The following MKX variants were observed in gnomAD, a reference collection of about 807,000 sequenced individuals.
The protein encoded by MKX is homeobox protein Mohawk.
MKX carries 13 observed loss-of-function variants against 36.0 expected under a neutral mutation model. That is an observed-to-expected ratio of 0.36 (90% CI 0.24 to 0.57). The LOEUF (loss-of-function observed/expected upper bound fraction) is 0.57, where lower values mean the gene tolerates loss of function less well. Ranked by LOEUF, MKX falls within the 20% of genes least tolerant of loss-of-function variation. The pLI, the probability that MKX is intolerant of heterozygous loss-of-function variation, is 0.79. For missense variants in MKX, 458 were observed against 456.4 expected (o/e 1.00, Z -0.03); for synonymous variants, 176 against 178.3 (o/e 0.99, Z 0.10).
chr10:27,693,484 T>C (rs561859893), intron 5 of MKX, among the ~76,000 whole-genome samples: 1 of 151,968 alleles, frequency 6.6e-6, no homozygotes. Flanking sequence ...AAACAAGAAC[T>C]GAATAATTAC....
chr10:27,686,922 T>C (rs1397714732), intron 5 of MKX, among the ~76,000 whole-genome samples: 1 of 151,834 alleles, frequency 6.6e-6, no homozygotes, highest in African/African-American at 2.4e-5. Flanking sequence ...ATCCACAGGG[T>C]CCTCACCTTC....
At chr10:27,704,391 A>C (rs753951599) in intron 5 of MKX, among the ~76,000 whole-genome samples, 16 of 152,228 alleles carry the variant, frequency 1.1e-4, no homozygotes, top group Admixed American at 5.2e-4. Context: ...ACTGTGAAAA[A>C]AGAACAATGA....
intron 5 of MKX, among the ~76,000 whole-genome samples, chr10:27,702,332 CAT>C (rs1040722921): frequency 6.6e-6 from 1 of 152,178 alleles, no homozygotes; most frequent in Non-Finnish European, 1.5e-5. Flanking sequence ...AATGACCACA[CAT>C]ATTACTTTTC....
At chr10:27,725,240 A>G (rs1834463441) in intron 5 of MKX, among the ~76,000 whole-genome samples, 1 of 152,192 alleles carries the variant, frequency 6.6e-6, no homozygotes, top group Non-Finnish European at 1.5e-5. Flanking sequence ...TGCTGGATTT[A>G]CAAAAATCCC....
intron 5 of MKX, among the ~76,000 whole-genome samples, chr10:27,705,342 A>G (rs982168013): frequency 2.6e-5 from 4 of 152,098 alleles, no homozygotes; most frequent in African/African-American, 9.7e-5. Flanking sequence ...AAAGGGATAT[A>G]TATCTGTTTT....
In MKX at chr10:27,674,164, A is replaced by G. The variant is rs1836099738; in HGVS notation, c.*1065T>C. ...TTTACTTTAATGTCCAACTTGGCAAAATTCAAACTGTTCAATGTTTTGTTT... is the reference window on the plus strand; with the variant it reads ...TTTACTTTAATGTCCAACTTGGCAAGATTCAAACTGTTCAATGTTTTGTTT... On this transcript the variant is annotated 3_prime_UTR_variant, in exon 7 of 7. Coordinates refer to ENST00000419761, the MANE Select transcript of MKX (RefSeq NM_173576.3). 6.6e-6 allele frequency: 1 copy of G among 152,208 alleles called. No homozygotes were observed. Among genetic ancestry groups the G allele is most frequent in the Admixed American group, 6.5e-5 (1 of 15,278 alleles). The allele number at this position is 152,208 out of a possible 1,614,324, so 9.4% of individuals were successfully genotyped here. A position where few individuals can be genotyped will look rare whatever the true frequency, so the allele number is the denominator to read the frequency against.
chr10:27,720,693 T>C (rs1370771876), intron 5 of MKX, among the ~76,000 whole-genome samples: 1 of 152,136 alleles, frequency 6.6e-6, no homozygotes, highest in African/African-American at 2.4e-5. Context: ...GCAAACATTA[T>C]ACTCTATGGT....
intron 5 of MKX, among the ~76,000 whole-genome samples, chr10:27,698,270 C>G (rs918519654): frequency 1.3e-5 from 2 of 152,198 alleles, no homozygotes; most frequent in African/African-American, 4.8e-5. Flanking sequence ...TGAACTCTAT[C>G]CTGACAGGCA....
chr10:27,687,044 G>A (rs1240131805), intron 5 of MKX, among the ~76,000 whole-genome samples: 2 of 149,606 alleles, frequency 1.3e-5, no homozygotes, highest in African/African-American at 4.9e-5. Flanking sequence ...TCGCTCTGTT[G>A]TTCAGGCTGG....
intron 1 of MKX, 42 bp from the exon 2 acceptor site, chr10:27,743,539 T>A (rs766177117): frequency 1.9e-5 from 20 of 1,062,608 alleles, no homozygotes; most frequent in Non-Finnish European, 2.6e-5. Flanking sequence ...TGGCTGAGAG[T>A]GCTCAGACCC....
rs866023262 is a variant in MKX at position 27,744,539 on chromosome 10, G to T, written c.-82-1042C>A. Among the ~76,000 whole-genome samples the T allele has an allele frequency of 6.6e-6, 1 of 152,070 alleles. No individual in the cohort carries two copies. Among genetic ancestry groups the T allele is most frequent in the African/African-American group, 2.4e-5 (1 of 41,418 alleles). The stretch of plus-strand genomic sequence containing the variant: ...AGCAAGTCCGCGCGGCCGCGGAGCC[G>T]CAGAGTTACAGCCCCAAGGCGCGCG... On this transcript the variant is annotated intron_variant, in intron 1 of 6. Transcript: ENST00000419761. The surrounding 1 kb of genome is among the most constrained non-coding windows in gnomAD (Gnocchi z 5.6).
chr10:27,690,778 C>T (rs796242148), intron 5 of MKX, among the ~76,000 whole-genome samples: 85 of 152,286 alleles, frequency 5.6e-4, no homozygotes, highest in African/African-American at 2.0e-3. Flanking sequence ...AAGCCCCCTA[C>T]TGGGTCTCTC....
At chr10:27,743,758 G>T (rs1420324821) in intron 1 of MKX, among the ~76,000 whole-genome samples, 1 of 152,158 alleles carries the variant, frequency 6.6e-6, no homozygotes, top group Non-Finnish European at 1.5e-5. Flanking sequence ...AACTACAACC[G>T]GGAATCATTC....
chr10:27,686,418 G>C (rs1294413683), intron 5 of MKX, among the ~76,000 whole-genome samples: 2 of 145,624 alleles, frequency 1.4e-5, no homozygotes, highest in African/African-American at 5.3e-5. Context: ...AGGAAGGAAG[G>C]AAGGAAGGAA....
intron 5 of MKX, among the ~76,000 whole-genome samples, chr10:27,685,478 C>T (rs1288464849): frequency 1.2e-4 from 17 of 145,654 alleles, no homozygotes; most frequent in South Asian, 8.7e-4. Flanking sequence ...AGACGGAGTC[C>T]CGCTCTGTTG....
chr10:27,741,805 C>T lies in MKX; in HGVS notation c.189-301G>A, dbSNP rs1834905787. ...TTGAAGAATACTGCTATTCCAGTCG[C>T]GTATCTGGGCAGCGGGGCTAACTGC... On this transcript the variant is annotated intron_variant, in intron 2 of 6. Transcript: ENST00000419761. This position sits in a 1 kb window ranked among gnomAD's most constrained non-coding sequence, Gnocchi z 5.1. 6.6e-6 allele frequency among the ~76,000 whole-genome samples: 1 copy of T among 152,234 alleles called. No individual in the cohort carries two copies. Among genetic ancestry groups the T allele is most frequent in the Admixed American group, 6.5e-5 (1 of 15,290 alleles).
intron 5 of MKX, among the ~76,000 whole-genome samples, chr10:27,733,636 C>G (rs886867798): frequency 1.3e-5 from 2 of 152,134 alleles, no homozygotes; most frequent in African/African-American, 4.8e-5. Context: ...TTCTAAATCT[C>G]ATTTGCTGAC....
chr10:27,717,921 G>A (rs1168786377), intron 5 of MKX, among the ~76,000 whole-genome samples: 1 of 152,196 alleles, frequency 6.6e-6, no homozygotes, highest in Admixed American at 6.5e-5. Context: ...AGAAATATTA[G>A]TTACTCCACT....
chr10:27,714,853 C>A (rs1355230282), intron 5 of MKX, among the ~76,000 whole-genome samples: 1 of 152,210 alleles, frequency 6.6e-6, no homozygotes, highest in Non-Finnish European at 1.5e-5. Flanking sequence ...TGTATCTATT[C>A]TGAAAATCAA....
Sources: gnomAD v4.1 joint callset for allele counts (sites outside exome capture counted in the v4.1 genomes callset) on GRCh38, gnomAD v4.1.1 for gene constraint, Gnocchi (gnomAD v3.1) non-coding constraint, MANE v1.5 for transcripts, NCBI Gene and HGNC (gene_info 2026-07-23, HGNC 2026-07-21) for gene names.